PLEKHA5: variants seen among roughly 807,000 people sequenced by gnomAD.
PLEKHA5 encodes pleckstrin homology domain containing A5, also known as pleckstrin homology domain-containing family A member 5.
In PLEKHA5, 55 loss-of-function variants were observed where a neutral mutation model predicts 181.9. That is an observed-to-expected ratio of 0.30 (90% CI 0.24 to 0.38). The LOEUF (loss-of-function observed/expected upper bound fraction) is 0.38. Among genes scored for constraint, PLEKHA5 ranks in the 10% least tolerant of loss-of-function variants. The pLI, the probability that PLEKHA5 is intolerant of heterozygous loss-of-function variation, is 1.00. For synonymous variants in PLEKHA5, 535 were observed against 529.4 expected (o/e 1.01, Z -0.15); for missense variants, 1,432 against 1,549.5 (o/e 0.92, Z 1.27).
intron 21 of PLEKHA5, among the ~76,000 whole-genome samples, chr12:19,343,062 T>G (rs2094060011): frequency 6.6e-6 from 1 of 152,186 alleles, no homozygotes; most frequent in Non-Finnish European, 1.5e-5. Flanking sequence ...ATAAATAATG[T>G]AAGACAAAGC....
intron 20 of PLEKHA5, among the ~76,000 whole-genome samples, chr12:19,330,743 G>A (rs2092758085): frequency 6.6e-6 from 1 of 152,110 alleles, no homozygotes; most frequent in Non-Finnish European, 1.5e-5. Flanking sequence ...TGGCAGGACT[G>A]TTATGGTGGA....
intron 20 of PLEKHA5, among the ~76,000 whole-genome samples, chr12:19,330,038 G>A (rs2092692774): frequency 1.3e-5 from 2 of 152,196 alleles, no homozygotes; most frequent in South Asian, 2.1e-4. Context: ...ACAACAAAGT[G>A]AGACCCTGTT....
At chr12:19,140,499 G>T (rs1301196891) in intron 3 of PLEKHA5, among the ~76,000 whole-genome samples, 1 of 152,142 alleles carries the variant, frequency 6.6e-6, no homozygotes, top group East Asian at 1.9e-4. Context: ...TAGGAATTAT[G>T]CTCTGAAGTG....
chr12:19,153,315 T>C (rs2151338632), intron 3 of PLEKHA5: 1 of 152,318 alleles, frequency 6.6e-6, no homozygotes, highest in East Asian at 1.9e-4. Flanking sequence ...TTTAGTTTGC[T>C]TATTCAGTGA....
rs1163455769 is a variant in PLEKHA5 at position 19,327,241 on chromosome 12, G to GT, written c.2448+4579dup. Among the ~76,000 whole-genome samples the GT allele has an allele frequency of 2.8e-3, 391 of 141,358 alleles. 1 individual carries two copies. Among genetic ancestry groups the GT allele is most frequent in the African/African-American group, 9.5e-3 (346 of 36,380 alleles). The allele number at this position is 141,358 out of a possible 152,430, so 92.7% of individuals were successfully genotyped here. The stretch of plus-strand genomic sequence containing the variant: ...TTTCTCTGCAGTCTTGCCAGCATCT[G>GT]TTTTTGTTTTTTTTTTTTTTTTTAC... On this transcript the variant is annotated intron_variant, in intron 20 of 31. Coordinates refer to ENST00000429027, the MANE Select transcript of PLEKHA5 (RefSeq NM_001256470.2).
At chr12:19,263,219 A>G (rs2097483003) in intron 7 of PLEKHA5, among the ~76,000 whole-genome samples, 1 of 152,134 alleles carries the variant, frequency 6.6e-6, no homozygotes, top group African/African-American at 2.4e-5. Context: ...GTGCTGAGCA[A>G]GTTATATAGA....
At position 19,248,382 on chromosome 12, in the gene PLEKHA5, G is replaced by A. The variant is rs577688029; in HGVS notation, c.228-5558G>A. The stretch of plus-strand genomic sequence containing the variant: ...CTGGCTAATTTCTGTATTTTTAGTA[G>A]AGACAGGGTTTCGCCATGTTGTCCA... On this transcript the variant is annotated intron_variant, in intron 3 of 31. Transcript: ENST00000429027. 1.2e-4 allele frequency among the ~76,000 whole-genome samples: 19 copies of A among 152,190 alleles called. No individual in the cohort carries two copies. The South Asian group carries it at 3.7e-3, about 30-fold the overall frequency.
chr12:19,247,004 T>C (rs1435636064), intron 3 of PLEKHA5, among the ~76,000 whole-genome samples: 2 of 152,222 alleles, frequency 1.3e-5, no homozygotes, highest in Non-Finnish European at 2.9e-5. Flanking sequence ...TATATTGAAA[T>C]GTGCACTTTA....
chr12:19,138,383 G>A (rs762389399), intron 3 of PLEKHA5, among the ~76,000 whole-genome samples: 76 of 151,974 alleles, frequency 5.0e-4, no homozygotes, highest in Non-Finnish European at 1.8e-4. Context: ...GACCAACCTG[G>A]CTAACATGGT....
intron 3 of PLEKHA5, among the ~76,000 whole-genome samples, chr12:19,249,611 T>A (rs1446443518): frequency 6.6e-6 from 1 of 152,204 alleles, no homozygotes; most frequent in Non-Finnish European, 1.5e-5. Flanking sequence ...TAAATATATG[T>A]CTATATAGAT....
chr12:19,305,766 A>G (rs1442160402), intron 15 of PLEKHA5, among the ~76,000 whole-genome samples: 3 of 147,188 alleles, frequency 2.0e-5, no homozygotes, highest in Non-Finnish European at 4.5e-5. Flanking sequence ...AGTCTGAGAC[A>G]GGAGAATCGC....
At chr12:19,233,326 G>C (rs1374646432) in intron 3 of PLEKHA5, among the ~76,000 whole-genome samples, 1 of 152,044 alleles carries the variant, frequency 6.6e-6, no homozygotes, top group Admixed American at 6.6e-5. Context: ...GTATTTTTCT[G>C]ATCTGAACAA....
At chr12:19,161,962 G>A (rs971678490) in intron 3 of PLEKHA5, among the ~76,000 whole-genome samples, 12 of 152,176 alleles carry the variant, frequency 7.9e-5, no homozygotes, top group African/African-American at 2.6e-4. Flanking sequence ...TTTTTAAAGC[G>A]GGTATCTGCA....
chr12:19,364,262 G>C (rs10770480), intron 29 of PLEKHA5, among the ~76,000 whole-genome samples: 138,723 of 152,060 alleles, frequency 0.91, 64,160 homozygotes, highest in Non-Finnish European at 1. Context: ...AATCCCAGCA[G>C]TTTGGGAGGC....
chr12:19,147,120 C>T (rs1360812056), intron 3 of PLEKHA5: 3 of 152,116 alleles, frequency 2.0e-5, no homozygotes, highest in East Asian at 1.9e-4. Context: ...AAATGCATGG[C>T]CTGCTCAGAG....
chr12:19,305,257 G>T (rs1289220983), intron 15 of PLEKHA5, among the ~76,000 whole-genome samples: 1 of 152,088 alleles, frequency 6.6e-6, no homozygotes, highest in African/African-American at 2.4e-5. Context: ...TGATGATGGG[G>T]TTTTAAAATC....
chr12:19,225,970 T>A (rs1240819344), intron 3 of PLEKHA5, among the ~76,000 whole-genome samples: 1 of 152,236 alleles, frequency 6.6e-6, no homozygotes, highest in Non-Finnish European at 1.5e-5. Flanking sequence ...TTCCTTCAGA[T>A]CTTTACATAT....
At chr12:19,338,086 A>C (rs1289830076) in intron 21 of PLEKHA5, among the ~76,000 whole-genome samples, 2 of 152,032 alleles carry the variant, frequency 1.3e-5, no homozygotes, top group Non-Finnish European at 2.9e-5. Flanking sequence ...GCTGCCCTCT[A>C]TCTGTGCTGT....
intron 25 of PLEKHA5, among the ~76,000 whole-genome samples, chr12:19,352,139 T>C (rs568144368): frequency 4.7e-5 from 7 of 148,404 alleles, no homozygotes; most frequent in Non-Finnish European, 8.9e-5. Flanking sequence ...ATCCCAGCAC[T>C]TTGGGAAGCT....
Sources: gnomAD v4.1 joint callset for allele counts (sites outside exome capture counted in the v4.1 genomes callset) on GRCh38, gnomAD v4.1.1 for gene constraint, MANE v1.5 for transcripts, NCBI Gene and HGNC (gene_info 2026-07-23, HGNC 2026-07-21) for gene names.